The following SNTG2 variants were observed in gnomAD, a reference collection of about 807,000 sequenced individuals.
SNTG2 encodes the protein gamma-2-syntrophin.
In SNTG2, 74 loss-of-function variants were observed where a neutral mutation model predicts 70.9. The observed-to-expected ratio is 1.04, with a 90% CI of 0.86 to 1.27. The LOEUF (loss-of-function observed/expected upper bound fraction) is 1.27. Ranked by LOEUF, SNTG2 falls within the 50% of genes most tolerant of loss-of-function variation. SNTG2 has a pLI of 0.00. For synonymous variants in SNTG2, 278 were observed against 273.8 expected, an observed-to-expected ratio of 1.02 and a Z score of -0.15; for missense variants, 717 against 690.7, an observed-to-expected ratio of 1.04 and a Z score of -0.43.
chr2:1,066,526 C>T (rs751593049), intron 1 of SNTG2, among the ~76,000 whole-genome samples: 64 of 151,760 alleles, frequency 4.2e-4, no homozygotes, highest in Middle Eastern at 3.4e-3. Flanking sequence ...CACAGACCAC[C>T]GGACAGTGAC....
intron 1 of SNTG2, among the ~76,000 whole-genome samples, chr2:979,157 G>A (rs1251725231): frequency 6.6e-6 from 1 of 152,206 alleles, no homozygotes; most frequent in Non-Finnish European, 1.5e-5. Flanking sequence ...CATGGCCTTG[G>A]TGGACAGCTG....
intron 1 of SNTG2, among the ~76,000 whole-genome samples, chr2:1,029,490 T>C (rs1329944827): frequency 6.6e-6 from 1 of 152,216 alleles, no homozygotes; most frequent in African/African-American, 2.4e-5. Flanking sequence ...GCTTGAATAA[T>C]TCCTTTTTGA....
At chr2:1,005,151 A>C (rs543691378) in intron 1 of SNTG2, among the ~76,000 whole-genome samples, 4 of 152,344 alleles carry the variant, frequency 2.6e-5, no homozygotes, top group African/African-American at 9.6e-5. Context: ...GAGACAGTAA[A>C]GAGATCATGG....
chr2:1,178,019 A>G (rs1429963328), intron 8 of SNTG2, among the ~76,000 whole-genome samples: 1 of 152,174 alleles, frequency 6.6e-6, no homozygotes, highest in African/African-American at 2.4e-5. Flanking sequence ...TATATGATAA[A>G]CACTTCTGGC....
chr2:1,123,384 A>G (rs7575879), intron 4 of SNTG2, among the ~76,000 whole-genome samples: 72,194 of 151,844 alleles, frequency 0.48, 18,280 homozygotes, highest in East Asian at 0.66. Context: ...GCAGAATAGA[A>G]AGCCCAGAAG....
At chr2:1,008,723 G>T (rs1312547770) in intron 1 of SNTG2, among the ~76,000 whole-genome samples, 1 of 152,110 alleles carries the variant, frequency 6.6e-6, no homozygotes, top group Non-Finnish European at 1.5e-5. Context: ...AATGTAAAAG[G>T]GCATCTGGTT....
rs1681842004 is a variant in SNTG2 at position 1,328,298 on chromosome 2, C to T, written c.1488+11923C>T. Among the ~76,000 whole-genome samples the T allele has an allele frequency of 2.0e-5, 3 of 152,262 alleles. No individual in the cohort carries two copies. In the South Asian group the frequency reaches 6.2e-4, roughly 32 times the overall value. The stretch of plus-strand genomic sequence containing the variant: ...GGTAATATACAAACATGTGGATAGA[C>T]ACGTACATGCATGCAGATACAACAT... On this transcript the variant is annotated intron_variant, in intron 16 of 16. Transcript: ENST00000308624.
chr2:1,340,824 G>A (rs532526084), intron 16 of SNTG2, among the ~76,000 whole-genome samples: 1 of 152,118 alleles, frequency 6.6e-6, no homozygotes, highest in African/African-American at 2.4e-5. Context: ...GGGATGTTTT[G>A]CACAGGGCAA....
intron 1 of SNTG2, among the ~76,000 whole-genome samples, chr2:1,070,469 CAG>C (rs1439701069): frequency 1.3e-5 from 2 of 152,154 alleles, no homozygotes; most frequent in Non-Finnish European, 2.9e-5. Context: ...AGCTTCTTAG[CAG>C]AGTTTCCGAC....
At chr2:1,144,779 C>T (rs141598088) in intron 6 of SNTG2, among the ~76,000 whole-genome samples, 7,240 of 152,246 alleles carry the variant, frequency 0.048, 253 homozygotes, top group South Asian at 0.18. Flanking sequence ...TACCTCCCAC[C>T]AGGTCCCTCC....
chr2:1,251,132 G>A (rs937079118), intron 12 of SNTG2, among the ~76,000 whole-genome samples: 1 of 152,148 alleles, frequency 6.6e-6, no homozygotes, highest in Admixed American at 6.5e-5. Flanking sequence ...TCAAGATTTC[G>A]TAAACCTGTG....
chr2:1,174,941 G>C (rs1671371185), intron 8 of SNTG2, among the ~76,000 whole-genome samples: 1 of 151,952 alleles, frequency 6.6e-6, no homozygotes, highest in African/African-American at 2.4e-5. Context: ...GGTGGTAATG[G>C]GTTAAAAATC....
chr2:1,244,650 T>C (rs570664561), intron 11 of SNTG2, among the ~76,000 whole-genome samples: 11,743 of 127,220 alleles, frequency 0.092, 531 homozygotes, highest in Middle Eastern at 0.14. Context: ...GAGCCAAGAT[T>C]GCACCACTGC....
At chr2:1,283,445 C>G (rs1001861044) in intron 14 of SNTG2, among the ~76,000 whole-genome samples, 19 of 152,158 alleles carry the variant, frequency 1.2e-4, no homozygotes, top group African/African-American at 4.6e-4. Context: ...TGTCCACTGC[C>G]CAGTTACAAA....
At chr2:1,330,546 T>G (rs1659471287) in intron 16 of SNTG2, among the ~76,000 whole-genome samples, 3 of 152,136 alleles carry the variant, frequency 2.0e-5, no homozygotes, top group African/African-American at 7.2e-5. Context: ...TCTTGAGAAG[T>G]TAAAGGAAAA....
chr2:1,065,320 A>G (rs989053587), intron 1 of SNTG2, among the ~76,000 whole-genome samples: 1 of 152,142 alleles, frequency 6.6e-6, no homozygotes, highest in Non-Finnish European at 1.5e-5. Context: ...GTGACCATAT[A>G]GTTAATTGTC....
intron 1 of SNTG2, among the ~76,000 whole-genome samples, chr2:1,020,484 C>T (rs1318475441): frequency 1.3e-5 from 2 of 152,220 alleles, no homozygotes; most frequent in African/African-American, 4.8e-5. Context: ...TGAAAACCCA[C>T]TCAGCATCTG....
intron 4 of SNTG2, among the ~76,000 whole-genome samples, chr2:1,111,081 T>A (rs549535163): frequency 1.3e-5 from 2 of 152,198 alleles, no homozygotes; most frequent in Non-Finnish European, 2.9e-5. Flanking sequence ...CATTTTCCAA[T>A]CCCCAGATCT....
chr2:1,323,804 C>G (rs955932847), intron 16 of SNTG2, among the ~76,000 whole-genome samples: 19 of 150,914 alleles, frequency 1.3e-4, no homozygotes, highest in South Asian at 2.1e-4. Flanking sequence ...ACATGGCTAA[C>G]AGTCACATGG....
Sources: allele counts gnomAD v4.1 joint callset (sites outside exome capture counted in the v4.1 genomes callset), GRCh38; gene constraint gnomAD v4.1.1; transcripts MANE v1.5; gene names NCBI Gene and HGNC (gene_info 2026-07-23, HGNC 2026-07-21).